Variants in BCAR1 observed in about 807,000 individuals in gnomAD.
The protein encoded by BCAR1 is BCAR1 scaffold protein, Cas family member, also known as breast cancer anti-estrogen resistance protein 1.
In BCAR1, 30 loss-of-function variants were observed where a neutral mutation model predicts 67.6. That is an observed-to-expected ratio of 0.44 (90% CI 0.33 to 0.60). BCAR1 has a LOEUF of 0.60. Ranked by LOEUF, BCAR1 falls within the 20% of genes least tolerant of loss-of-function variation. The probability of loss-of-function intolerance (pLI) is 0.02; values close to 1 mark genes in which losing one functional copy is unlikely to be tolerated. For missense variants in BCAR1, 1,313 were observed against 1,222.3 expected, an observed-to-expected ratio of 1.07 and a Z score of -1.11; for synonymous variants, 626 against 556.7, an observed-to-expected ratio of 1.12 and a Z score of -1.75.
intron 1 of BCAR1, chr16:75,266,117 G>GAGGAGACC: frequency 1.2e-6 from 1 of 860,762 alleles, no homozygotes; most frequent in Non-Finnish European, 1.4e-6. Context: ...GGGAGGCGCG[G>GAGGAGACC]TCTCCTCCGC....
intron 2 of BCAR1, among the ~76,000 whole-genome samples, chr16:75,241,493 C>G (rs186435443): frequency 9.9e-5 from 15 of 152,254 alleles, no homozygotes; most frequent in Admixed American, 8.5e-4. Flanking sequence ...CTTGCTAAAG[C>G]CAGTTTGGGA....
rs187833966 is a variant in BCAR1 at position 75,246,027 on chromosome 16, G to A, written c.13-2937C>T. The stretch of plus-strand genomic sequence containing the variant: ...GTTCTGCTCTATTGCCCAGTAGCGC[G>A]ATCATGGCTCTCACTGCAACAACCT... On this transcript the variant is annotated intron_variant, in intron 1 of 6. Transcript: ENST00000162330. The A allele has an allele frequency of 8.9e-5, 11 of 123,000 alleles. No homozygotes were observed. The East Asian group carries it at 9.8e-4, about 11-fold the overall frequency. 7.6% of individuals were successfully genotyped at this position (123,000 alleles called of 1,614,324 possible).
chr16:75,251,868 C>G (rs1345842707), upstream of BCAR1: 1 of 298,682 alleles, frequency 3.3e-6, no homozygotes, highest in Non-Finnish European at 5.9e-6. Flanking sequence ...ACACCGCTCT[C>G]CAACAAATGC....
At chr16:75,251,270 G>A (rs1039146914) in intron 1 of BCAR1, among the ~76,000 whole-genome samples, 1 of 151,464 alleles carries the variant, frequency 6.6e-6, no homozygotes, top group Non-Finnish European at 1.5e-5. Flanking sequence ...CAACGCACCC[G>A]AGGCGCACAG....
At chr16:75,258,508 G>C (rs2151476011) in intron 1 of BCAR1, among the ~76,000 whole-genome samples, 1 of 152,318 alleles carries the variant, frequency 6.6e-6, no homozygotes, top group Admixed American at 6.5e-5. Context: ...CGTGTCCTCA[G>C]GGAACTCACA....
intron 4 of BCAR1, chr16:75,236,267 C>G: frequency 2.0e-6 from 1 of 504,094 alleles, no homozygotes; most frequent in Non-Finnish European, 3.5e-6. Context: ...CACCCCTGTG[C>G]CTGAAGGTGG....
At chr16:75,252,293 T>C (rs2077698581), upstream of BCAR1, 1 of 1,536,514 alleles carries the variant, frequency 6.5e-7, no homozygotes, top group Admixed American at 2.0e-5. Flanking sequence ...CTGATCTGCC[T>C]CCTCTCATTA....
intron 2 of BCAR1, chr16:75,239,022 C>G: frequency 1.3e-5 from 13 of 985,438 alleles, no homozygotes; most frequent in Non-Finnish European, 1.6e-5. Context: ...TGCAGCTGGA[C>G]CCAGGCCTGC....
At position 75,251,089 on chromosome 16, in the gene BCAR1, G is replaced by C. The variant is rs1030701322; in HGVS notation, c.12+382C>G. On this transcript the variant is annotated intron_variant, in intron 1 of 6. Transcript: ENST00000162330. The stretch of plus-strand genomic sequence containing the variant: ...GCCACACCAGCCGGACCACCCGCCA[G>C]AGGCTCAACGGCCCCTCCTCGCAGC... 4 of 638,008 alleles carry C rather than the reference G, an allele frequency of 6.3e-6. No individual in the cohort carries two copies. In the African/African-American group the frequency reaches 7.8e-5, roughly 12 times the overall value. The allele number at this position is 638,008 out of a possible 1,614,324, so 39.5% of individuals were successfully genotyped here.
chr16:75,250,982 C>T (rs1478027685), intron 1 of BCAR1: 1 of 985,886 alleles, frequency 1.0e-6, no homozygotes, highest in Admixed American at 6.1e-5. Context: ...CGCAGCCTTC[C>T]CCGCTGGCGC....
rs2076802916 is a variant in BCAR1, at chr16:75,229,136, G to A, written c.*375C>T. 2 of 222,548 alleles carry A rather than the reference G, an allele frequency of 9.0e-6. No homozygotes were observed. Among genetic ancestry groups the A allele is most frequent in the African/African-American group, 2.3e-5 (1 of 44,126 alleles). 13.8% of individuals were successfully genotyped at this position (222,548 alleles called of 1,614,324 possible). ...AGGTTCTTCTCCTGGTAAGGCGGAG[G>A]ACACACCAAACTGCACTGGCCCTGT... is the stretch of plus-strand genomic sequence containing the variant. On this transcript the variant is annotated 3_prime_UTR_variant, in exon 7 of 7. Coordinates refer to ENST00000162330, the MANE Select transcript of BCAR1 (RefSeq NM_014567.5).
chr16:75,250,837 G>A (rs1453532802), intron 1 of BCAR1: 2 of 985,496 alleles, frequency 2.0e-6, no homozygotes, highest in Non-Finnish European at 2.4e-6. Context: ...CTGTGGCCAG[G>A]ACCCGGCTTC....
chr16:75,256,710 G>A (rs116382137), intron 1 of BCAR1, among the ~76,000 whole-genome samples: 4,545 of 152,250 alleles, frequency 0.03, 104 homozygotes, highest in Middle Eastern at 0.12. Context: ...GCTCACAGCC[G>A]CCCGAGGCCG....
rs1168537071 is a variant in BCAR1 at position 75,229,470 on chromosome 16, C to G, written c.*41G>C. 1 of 1,478,366 alleles carries G rather than the reference C, an allele frequency of 6.8e-7. No individual in the cohort carries two copies. The allele number at this position is 1,478,366 out of a possible 1,614,324, so 91.6% of individuals were successfully genotyped here. ...GACATGGGAGCCAGGGAGCTGGGAC[C>G]GCCGCACCCCTCCCCTGCCTCCCTC... On this transcript the variant is annotated 3_prime_UTR_variant, in exon 7 of 7. Coordinates refer to ENST00000162330, the MANE Select transcript of BCAR1 (RefSeq NM_014567.5).
intron 5 of BCAR1, among the ~76,000 whole-genome samples, chr16:75,234,308 C>T (rs1028810487): frequency 1.3e-5 from 2 of 152,156 alleles, no homozygotes; most frequent in Non-Finnish European, 2.9e-5. Context: ...CCCCTTTCAC[C>T]GCCTGCCAGC....
intron 2 of BCAR1, among the ~76,000 whole-genome samples, chr16:75,240,602 G>C (rs1279270448): frequency 6.6e-6 from 1 of 152,232 alleles, no homozygotes; most frequent in Non-Finnish European, 1.5e-5. Context: ...TGATTACCGC[G>C]ATTGGAAAAT....
At position 75,235,363 on chromosome 16, in the gene BCAR1, C is replaced by G; in HGVS notation, c.1536G>C (p.Gln512His). 6.2e-7 allele frequency: 1 copy of G among 1,602,632 alleles called. No individual in the cohort carries two copies. The highest frequency in any genetic ancestry group is 1.1e-5 in the South Asian group (1 of 90,934). ...QDLQAAVAAV[Q>H]SAVHELLEFA... The stretch of plus-strand genomic sequence containing the variant: ...ACTCCAACAGCTCGTGGACGGCACT[C>G]TGGACAGCGGCCACAGCAGCCTGCA... The change falls in exon 5 of 7, where the codon CAG becomes CAC. Residue 512 changes from glutamine (Q) to histidine (H), a missense_variant. Gln to His is a conservative substitution (Grantham distance 24). Around this residue, in one of 2 missense-constraint regions of BCAR1, gnomAD observed 1,272 missense variants for 1,137.5 expected, o/e 1.12. Coordinates refer to ENST00000162330, the MANE Select transcript of BCAR1 (RefSeq NM_014567.5).
At chr16:75,230,319 C>T (rs939627553) in intron 6 of BCAR1, among the ~76,000 whole-genome samples, 18 of 152,108 alleles carry the variant, frequency 1.2e-4, no homozygotes, top group East Asian at 1.9e-4. Flanking sequence ...GTCGGGGGGT[C>T]ACCGTCCTGG....
rs1412258376 is a variant in BCAR1, at chr16:75,234,980, G to A, written c.1919C>T (p.Pro640Leu). The change falls in exon 5 of 7, where the codon CCC becomes CTC. Residue 640 changes from proline (P) to leucine (L), a missense_variant. This residue lies in a region of BCAR1 where 1,272 missense variants were observed against 1,137.5 expected (regional missense o/e 1.12). Coordinates refer to ENST00000162330, the MANE Select transcript of BCAR1 (RefSeq NM_014567.5). ...CGAGTCCTGGGAGGTGAACTTAGGG[G>A]GTGAGGGCAGGGGTCGTGACTGGAT... ...SSIQSRPLPS[P>L]PKFTSQDSPD... The A allele has an allele frequency of 1.2e-6, 2 of 1,605,590 alleles. No individual in the cohort carries two copies. The highest frequency in any genetic ancestry group is 1.3e-5 in the African/African-American group (1 of 74,806).
Sources: allele counts gnomAD v4.1 joint callset (sites outside exome capture counted in the v4.1 genomes callset), GRCh38; gene constraint gnomAD v4.1.1; regional missense constraint gnomAD v4.1.1; transcripts MANE v1.5; gene names NCBI Gene and HGNC (gene_info 2026-07-23, HGNC 2026-07-21).